GRIN2A: variants seen among roughly 807,000 people sequenced by gnomAD.
GRIN2A encodes the protein glutamate receptor ionotropic, NMDA 2A.
Under a neutral mutation model 113.4 loss-of-function variants are expected in GRIN2A, and 22 were observed. The observed-to-expected ratio is 0.19, with a 90% CI of 0.14 to 0.28. The LOEUF (loss-of-function observed/expected upper bound fraction) is 0.28. Among genes scored for constraint, GRIN2A ranks in the 10% least tolerant of loss-of-function variants. The pLI is 1.00. For synonymous variants in GRIN2A, 827 were observed against 738.4 expected, an observed-to-expected ratio of 1.12 and a Z score of -1.94; for missense variants, 1,502 against 1,887.0, an observed-to-expected ratio of 0.80 and a Z score of 3.78.
chr16:10,101,686 G>A (rs533245034), intron 2 of GRIN2A, among the ~76,000 whole-genome samples: 19 of 152,276 alleles, frequency 1.2e-4, no homozygotes, highest in Non-Finnish European at 2.4e-4. Context: ...AGGAAAACCT[G>A]GGCTGTCAGT....
intron 2 of GRIN2A, among the ~76,000 whole-genome samples, chr16:10,087,274 G>T (rs142040458): frequency 6.6e-6 from 1 of 152,208 alleles, no homozygotes; most frequent in Non-Finnish European, 1.5e-5. Context: ...TTATGTTATT[G>T]TTCAAATATC....
chr16:10,101,462 C>T (rs2048392580), intron 2 of GRIN2A, among the ~76,000 whole-genome samples: 1 of 152,208 alleles, frequency 6.6e-6, no homozygotes, highest in African/African-American at 2.4e-5. Context: ...TGGAAGAGAA[C>T]AGTCTGATTA....
intron 5 of GRIN2A, among the ~76,000 whole-genome samples, chr16:9,848,860 C>T (rs1458549101): frequency 8.6e-5 from 1 of 11,612 alleles, no homozygotes; most frequent in African/African-American, 3.9e-4. Context: ...ATATAAAATA[C>T]ACTGTTTTAT....
intron 2 of GRIN2A, among the ~76,000 whole-genome samples, chr16:10,018,781 G>A (rs1482995225): frequency 1.3e-5 from 2 of 152,166 alleles, no homozygotes; most frequent in Middle Eastern, 3.4e-3. Context: ...CTCCCAACCC[G>A]AGGTTGCTCT....
intron 2 of GRIN2A, among the ~76,000 whole-genome samples, chr16:9,994,992 C>G (rs942412573): frequency 6.6e-6 from 1 of 152,156 alleles, no homozygotes; most frequent in African/African-American, 2.4e-5. Flanking sequence ...GAGACTGACT[C>G]GGTCAAACAG....
At chr16:10,039,870 G>T (rs879454732) in intron 2 of GRIN2A, among the ~76,000 whole-genome samples, 8 of 139,988 alleles carry the variant, frequency 5.7e-5, no homozygotes, top group Non-Finnish European at 1.1e-4. Context: ...GGAGGGGTGC[G>T]GCAGCCACAC....
chr16:9,855,198 G>C (rs929116502), intron 4 of GRIN2A, among the ~76,000 whole-genome samples: 2 of 152,154 alleles, frequency 1.3e-5, no homozygotes, highest in African/African-American at 4.8e-5. Flanking sequence ...TTCAAATCTT[G>C]TCACTGCTTT....
At position 10,180,482 on chromosome 16, in the gene GRIN2A, A is replaced by G; in HGVS notation, c.-18-53T>C. 6.4e-7 allele frequency: 1 copy of G among 1,552,538 alleles called. No homozygotes were observed. The highest frequency in any genetic ancestry group is 2.4e-5 in the East Asian group (1 of 42,332). ...CCGCGGTGAGCAAGGCGACCAGAAG[A>G]AAGGGATTACCAACTTGGCTTCCTG... On this transcript the variant is annotated intron_variant, in intron 1 of 12. Transcript: ENST00000330684. This position sits in a 1 kb window ranked among gnomAD's most constrained non-coding sequence, Gnocchi z 7.0.
chr16:10,111,555 G>A lies in GRIN2A; in HGVS notation c.414+68443C>T, dbSNP rs7188171. 5 of 804,198 alleles carry A rather than the reference G, an allele frequency of 6.2e-6. No individual in the cohort carries two copies. In the African/African-American group the frequency reaches 6.7e-5, roughly 11 times the overall value. 49.8% of individuals were successfully genotyped at this position (804,198 alleles called of 1,614,324 possible). ...ACCTAACTTCAGCCCTGACCCGGAAGATCATGCTGAAGACACCACTGATCT... is the reference window on the plus strand; with the variant it reads ...ACCTAACTTCAGCCCTGACCCGGAAAATCATGCTGAAGACACCACTGATCT... On this transcript the variant is annotated intron_variant, in intron 2 of 12. Coordinates refer to ENST00000330684, the MANE Select transcript of GRIN2A (RefSeq NM_001134407.3).
chr16:9,821,917 G>T (rs555998328), intron 10 of GRIN2A, among the ~76,000 whole-genome samples: 1 of 152,260 alleles, frequency 6.6e-6, no homozygotes, highest in East Asian at 1.9e-4. Flanking sequence ...CCTAAAATCT[G>T]ATAAAAATCT....
At chr16:10,003,858 G>A (rs1266440768) in intron 2 of GRIN2A, among the ~76,000 whole-genome samples, 1 of 152,144 alleles carries the variant, frequency 6.6e-6, no homozygotes, top group East Asian at 1.9e-4. Context: ...CAGACTTGTT[G>A]GTTCTCCCAC....
intron 2 of GRIN2A, among the ~76,000 whole-genome samples, chr16:9,977,533 G>C (rs1317958085): frequency 6.6e-6 from 1 of 152,176 alleles, no homozygotes; most frequent in Non-Finnish European, 1.5e-5. Flanking sequence ...TGAAAGGAGA[G>C]TTCTGTGCGC....
At chr16:9,913,980 G>A (rs968227883) in intron 3 of GRIN2A, among the ~76,000 whole-genome samples, 6 of 150,308 alleles carry the variant, frequency 4.0e-5, no homozygotes, top group African/African-American at 1.2e-4. Context: ...AAAAAGAAAA[G>A]AACAAAATTA....
intron 2 of GRIN2A, among the ~76,000 whole-genome samples, chr16:10,061,450 AGAGATTCCT>A (rs1402644941): frequency 6.6e-6 from 1 of 152,222 alleles, no homozygotes; most frequent in Non-Finnish European, 1.5e-5. Flanking sequence ...TCCAATGAAT[AGAGATTCCT>A]GAGATTCCTT....
rs1445598953 is a variant in GRIN2A, at chr16:9,938,383, A to G, written c.583T>C (p.Phe195Leu). 8.7e-6 allele frequency: 14 copies of G among 1,614,008 alleles called. No homozygotes were observed. The highest frequency in any genetic ancestry group is 2.7e-5 in the African/African-American group (2 of 74,918). Residue 195 changes from phenylalanine to leucine, a missense_variant, in exon 3 of 13, where the codon TTT (phenylalanine) becomes CTT (leucine). Phe to Leu is a conservative substitution (Grantham distance 22, BLOSUM62 0). This residue lies in a region of GRIN2A where 334 missense variants were observed against 403.0 expected (regional missense o/e 0.83). Transcript: ENST00000330684. Reference sequence around the variant, plus strand: ...ACATTCTGCATGTCCCAGCCCACAAAGCTGTTGTCCACTGTGGTCTTGACG... The same window carrying G: ...ACATTCTGCATGTCCCAGCCCACAAGGCTGTTGTCCACTGTGGTCTTGACG... The part of the protein sequence containing the change: ...SFVKTTVDNS[F>L]VGWDMQNVIT...
At chr16:9,854,841 G>T (rs2042940905) in intron 4 of GRIN2A, among the ~76,000 whole-genome samples, 1 of 152,122 alleles carries the variant, frequency 6.6e-6, no homozygotes, top group African/African-American at 2.4e-5. Context: ...AGTGCTTCCA[G>T]GAATAAGGTT....
intron 2 of GRIN2A, among the ~76,000 whole-genome samples, chr16:10,130,455 C>CA (rs2049038045): frequency 6.6e-6 from 1 of 152,220 alleles, no homozygotes; most frequent in Non-Finnish European, 1.5e-5. Context: ...ATTCACCGAA[C>CA]ATCCCCTGAG....
chr16:9,814,006 T>C (rs1366071166), intron 10 of GRIN2A, among the ~76,000 whole-genome samples: 1 of 152,140 alleles, frequency 6.6e-6, no homozygotes. Context: ...TTGAAAAAAT[T>C]TGCTCTGCAG....
chr16:9,904,049 T>C (rs980948026), intron 3 of GRIN2A, among the ~76,000 whole-genome samples: 2 of 152,150 alleles, frequency 1.3e-5, no homozygotes, highest in Admixed American at 1.3e-4. Context: ...TGAAGTTCAG[T>C]TTTAAATCCA....
Sources: allele counts gnomAD v4.1 joint callset (sites outside exome capture counted in the v4.1 genomes callset), GRCh38; gene constraint gnomAD v4.1.1; regional missense constraint gnomAD v4.1.1; non-coding constraint Gnocchi (gnomAD v3.1); transcripts MANE v1.5; gene names NCBI Gene and HGNC (gene_info 2026-07-23, HGNC 2026-07-21).